Variants in LAMA2 observed in about 807,000 individuals in gnomAD.
LAMA2 encodes laminin subunit alpha 2, also known as laminin subunit alpha-2.
Under a neutral mutation model 364.8 loss-of-function variants are expected in LAMA2, and 269 were observed. The ratio of observed to expected loss-of-function variants is 0.74; its 90% CI spans 0.67 to 0.82. LAMA2 has a LOEUF of 0.82. Ranked by LOEUF, LAMA2 falls within the 40% of genes least tolerant of loss-of-function variation. LAMA2 has a pLI of 0.00. For missense variants in LAMA2, 3,807 were observed against 3,873.2 expected, an observed-to-expected ratio of 0.98 and a Z score of 0.45; for synonymous variants, 1,379 against 1,370.6, an observed-to-expected ratio of 1.01 and a Z score of -0.14.
chr6:128,929,333 G>A (rs1779298520), intron 1 of LAMA2: 5 of 1,155,078 alleles, frequency 4.3e-6, no homozygotes, highest in South Asian at 2.4e-5. Context: ...CCAAGTACAC[G>A]GCCCAAAGAC....
chr6:129,093,923 T>C (rs935970861), intron 3 of LAMA2, among the ~76,000 whole-genome samples: 1 of 152,188 alleles, frequency 6.6e-6, no homozygotes, highest in Non-Finnish European at 1.5e-5. Context: ...TTTTAATACT[T>C]ACTAGTGGGG....
chr6:129,110,393 G>A (rs988235749), intron 4 of LAMA2, among the ~76,000 whole-genome samples: 11 of 152,018 alleles, frequency 7.2e-5, no homozygotes, highest in African/African-American at 2.4e-4. Flanking sequence ...TGGAATGGCA[G>A]ATCATGCTAG....
rs143680577 is a variant in LAMA2 at position 129,098,213 on chromosome 6, C to T, written c.437C>T (p.Ser146Phe). 5 of 1,613,730 alleles carry T rather than the reference C, an allele frequency of 3.1e-6. No individual in the cohort carries two copies. Among genetic ancestry groups the T allele is most frequent in the Non-Finnish European group, 3.4e-6 (4 of 1,179,684 alleles). ...IAYVIVKAAN[S>F]PRPGNWILER... is the part of the protein sequence containing the mutation. ...TATGTGATTGTGAAGGCAGCTAACT[C>T]CCCCCGGCCTGGAAACTGGATTTTG... is the stretch of plus-strand genomic sequence containing the variant. Residue 146 changes from serine to phenylalanine, a missense_variant, in exon 4 of 65, where the codon TCC (serine) becomes TTC (phenylalanine). Physicochemically the swap from Ser to Phe is radical, Grantham distance 155. Transcript: ENST00000421865.
chr6:128,990,141 G>A (rs1359045762), intron 1 of LAMA2, among the ~76,000 whole-genome samples: 1 of 152,170 alleles, frequency 6.6e-6, no homozygotes, highest in African/African-American at 2.4e-5. Context: ...ATCTTACAGA[G>A]ATATGTTTCA....
chr6:129,233,728 A>C (rs1300746560), intron 12 of LAMA2, among the ~76,000 whole-genome samples: 1 of 152,140 alleles, frequency 6.6e-6, no homozygotes, highest in African/African-American at 2.4e-5. Flanking sequence ...TCAGGTGTCA[A>C]CTGTATATGA....
Position 129,022,626 on chromosome 6 carries a change from T to C in LAMA2, c.113-27292T>C, listed in dbSNP as rs1043459400. 3.9e-5 allele frequency among the ~76,000 whole-genome samples: 6 copies of C among 152,292 alleles called. No individual in the cohort carries two copies. The South Asian group carries it at 1.2e-3, about 32-fold the overall frequency. On this transcript the variant is annotated intron_variant, in intron 1 of 64. Coordinates refer to ENST00000421865, the MANE Select transcript of LAMA2 (RefSeq NM_000426.4). The stretch of plus-strand genomic sequence containing the variant: ...AATGTGGACAAAATCAATAGATAGA[T>C]GCATAAGGAGTGCCCAGATAAAATC...
At chr6:128,976,960 A>G (rs1782567291) in intron 1 of LAMA2, among the ~76,000 whole-genome samples, 1 of 152,360 alleles carries the variant, frequency 6.6e-6, no homozygotes, top group South Asian at 2.1e-4. Flanking sequence ...ACTGTGTGCT[A>G]GTAAACAGAA....
intron 51 of LAMA2, among the ~76,000 whole-genome samples, chr6:129,467,539 A>G (rs781648212): frequency 6.6e-6 from 1 of 151,924 alleles, no homozygotes; most frequent in African/African-American, 2.4e-5. Context: ...AAATAAAGAC[A>G]TTCGGAACAC....
intron 44 of LAMA2, 111 bp downstream of exon 44, chr6:129,443,179 G>A (rs563817012): frequency 8.7e-5 from 62 of 711,888 alleles, no homozygotes; most frequent in African/African-American, 4.0e-4. Flanking sequence ...TAAACATTGC[G>A]TAGCTATTCT....
intron 22 of LAMA2, among the ~76,000 whole-genome samples, chr6:129,304,445 A>G (rs2114471787): frequency 6.6e-6 from 1 of 152,120 alleles, no homozygotes. Context: ...TTGTATTTTT[A>G]GTAGAGACGG....
At chr6:129,374,306 C>A (rs1374409704) in intron 34 of LAMA2, among the ~76,000 whole-genome samples, 3 of 152,124 alleles carry the variant, frequency 2.0e-5, no homozygotes, top group Non-Finnish European at 4.4e-5. Context: ...GCAGTTGTGA[C>A]CAGGGTATGA....
chr6:128,971,405 A>G (rs1206631265), intron 1 of LAMA2, among the ~76,000 whole-genome samples: 1 of 152,094 alleles, frequency 6.6e-6, no homozygotes, highest in East Asian at 1.9e-4. Context: ...ATTATATACC[A>G]ACATGGAGAA....
At chr6:129,447,099 T>A (rs1055740654) in intron 45 of LAMA2, among the ~76,000 whole-genome samples, 2 of 152,210 alleles carry the variant, frequency 1.3e-5, no homozygotes, top group Middle Eastern at 3.2e-3. Context: ...TTAGCCAACA[T>A]GGAAAAAGCC....
At chr6:129,290,161 T>C (rs968287475) in intron 19 of LAMA2, among the ~76,000 whole-genome samples, 7 of 152,170 alleles carry the variant, frequency 4.6e-5, no homozygotes, top group Non-Finnish European at 1.0e-4. Flanking sequence ...ATCATATTTA[T>C]GGTAAATTTA....
At chr6:128,972,710 G>A (rs9492167) in intron 1 of LAMA2, among the ~76,000 whole-genome samples, 62 of 151,666 alleles carry the variant, frequency 4.1e-4, no homozygotes, top group African/African-American at 1.5e-3. Flanking sequence ...CCTCCACATT[G>A]AAAAAAATAC....
intron 1 of LAMA2, among the ~76,000 whole-genome samples, chr6:129,041,246 A>T (rs1197122429): frequency 6.6e-6 from 1 of 152,176 alleles, no homozygotes; most frequent in Non-Finnish European, 1.5e-5. Flanking sequence ...TGTTCAATGA[A>T]TTTCTCATTG....
chr6:128,906,082 C>G (rs1354226805), intron 1 of LAMA2, among the ~76,000 whole-genome samples: 1 of 149,356 alleles, frequency 6.7e-6, no homozygotes, highest in Non-Finnish European at 1.5e-5. Context: ...GTGAATAGTG[C>G]CGCAATAAAC....
chr6:129,272,026 C>A (rs1583388852), intron 17 of LAMA2, among the ~76,000 whole-genome samples: 1 of 152,138 alleles, frequency 6.6e-6, no homozygotes, highest in African/African-American at 2.4e-5. Flanking sequence ...CTCCCAATGA[C>A]CTTCTTTACT....
intron 1 of LAMA2, among the ~76,000 whole-genome samples, chr6:128,986,195 A>C (rs1022583759): frequency 1.1e-4 from 16 of 152,102 alleles, no homozygotes; most frequent in African/African-American, 3.9e-4. Context: ...AGTGTCTTCA[A>C]CTTGGCTTTC....
Sources: gnomAD v4.1 joint callset for allele counts (sites outside exome capture counted in the v4.1 genomes callset) on GRCh38, gnomAD v4.1.1 for gene constraint, MANE v1.5 for transcripts, NCBI Gene and HGNC (gene_info 2026-07-23, HGNC 2026-07-21) for gene names.